LHB: variants seen among roughly 807,000 people sequenced by gnomAD.
LHB encodes the protein luteinizing hormone subunit beta.
LHB carries 11 observed loss-of-function variants against 10.6 expected under a neutral mutation model. The observed-to-expected ratio is 1.04, with a 90% CI of 0.66 to 1.72. The LOEUF is 1.72. LHB is among the 40% of genes most tolerant of loss of function. The pLI, the probability that LHB is intolerant of heterozygous loss-of-function variation, is 0.00. For synonymous variants in LHB, 86 were observed against 83.1 expected, an observed-to-expected ratio of 1.03 and a Z score of -0.19; for missense variants, 184 against 197.3, an observed-to-expected ratio of 0.93 and a Z score of 0.41.
upstream of LHB, chr19:49,018,945 G>C: frequency 2.6e-6 from 4 of 1,534,494 alleles, no homozygotes; most frequent in Non-Finnish European, 2.6e-6. Context: ...GCCCCGGTCG[G>C]ATACTGTGAA....
upstream of LHB, chr19:49,018,772 G>T: frequency 9.6e-7 from 1 of 1,040,704 alleles, no homozygotes; most frequent in South Asian, 1.4e-5. Flanking sequence ...TCGAGGCTGA[G>T]ACCACCGGCT....
Position 49,016,995 on chromosome 19 carries a change from G to T in LHB, c.15+72C>A, listed in dbSNP as rs144626738. The stretch of plus-strand genomic sequence containing the variant: ...AGAGGCCTCCTTCCACAGCTCACAC[G>T]GGTCTGCCCCTTCTCATGCCAGTGA... On this transcript the variant is annotated intron_variant, in intron 1 of 2. Coordinates refer to ENST00000649238, the MANE Select transcript of LHB (RefSeq NM_000894.3). The T allele has an allele frequency of 1.6e-3, 2,520 of 1,612,522 alleles. 16 individuals carry two copies. In the African/African-American group the frequency reaches 0.022, roughly 14 times the overall value.
At position 49,016,099 on chromosome 19, in the gene LHB, T is replaced by C. The variant is rs747619934; in HGVS notation, c.395A>G (p.His132Arg). The C allele has an allele frequency of 2.5e-6, 4 of 1,611,132 alleles. No homozygotes were observed. The Admixed American group carries it at 5.0e-5, about 20-fold the overall frequency. Residue 132 changes from histidine to arginine, a missense_variant, in exon 3 of 3, where the codon CAC becomes CGC. Coordinates refer to ENST00000649238, the MANE Select transcript of LHB (RefSeq NM_000894.3). ...GAAGAGGAGGCCTGAGAGTTGGGGG[T>C]GGTCACAGGTCAAGGGGTGGTCTTT... is the stretch of plus-strand genomic sequence containing the variant. The part of the protein sequence containing the change: ...GPKDHPLTCD[H>R]PQLSGLLFL
upstream of LHB, chr19:49,018,097 G>A (rs975577065): frequency 2.5e-6 from 1 of 399,174 alleles, no homozygotes; most frequent in Non-Finnish European, 4.4e-6. Context: ...GGCAGAAGCG[G>A]TCGAGCCGCC....
At position 49,016,547 on chromosome 19, in the gene LHB, C is replaced by A. The variant is rs759224828; in HGVS notation, c.183G>T (p.Met61Ile). 3.7e-6 allele frequency: 6 copies of A among 1,607,044 alleles called. No individual in the cohort carries two copies. Among genetic ancestry groups the A allele is most frequent in the Non-Finnish European group, 5.1e-6 (6 of 1,179,338 alleles). Residue 61 changes from methionine (M) to isoleucine (I), a missense_variant and splice_region_variant, in exon 2 of 3, where the codon ATG becomes ATT. Coordinates refer to ENST00000649238, the MANE Select transcript of LHB (RefSeq NM_000894.3). ...TTICAGYCPTMMRVLQAVLPP... is the reference protein window; with the variant it reads ...TTICAGYCPTIMRVLQAVLPP... ...CTGCCCCTGGCCCCAGGCAGCTCAC[C>A]ATGGTGGGGCAGTAGCCGGCACAGA...
chr19:49,018,764 G>T (rs2039595738), upstream of LHB: 1 of 957,344 alleles, frequency 1.0e-6, no homozygotes, highest in Non-Finnish European at 1.6e-6. Flanking sequence ...TACAGAAGTC[G>T]AGGCTGAGAC....
chr19:49,018,756 C>A, upstream of LHB: 1 of 883,712 alleles, frequency 1.1e-6, no homozygotes, highest in Non-Finnish European at 1.7e-6. Context: ...CTTGCTGCTA[C>A]AGAAGTCGAG....
Position 49,016,732 on chromosome 19 carries a change from C to T in LHB, c.16-18G>A, listed in dbSNP as rs2039560927. 3 of 1,609,844 alleles carry T rather than the reference C, an allele frequency of 1.9e-6. No homozygotes were observed. Among genetic ancestry groups the T allele is most frequent in the Non-Finnish European group, 2.5e-6 (3 of 1,179,712 alleles). On this transcript the variant is annotated intron_variant, in intron 1 of 2. Coordinates refer to ENST00000649238, the MANE Select transcript of LHB (RefSeq NM_000894.3). ...AGCAGCCCCTGGGACAAGGACACTG[C>T]TTCACCCAGGTCTGAGACCGCAGCC...
At chr19:49,017,345 C>T (rs956779310), upstream of LHB, among the ~76,000 whole-genome samples, 1 of 152,038 alleles carries the variant, frequency 6.6e-6, no homozygotes, top group Admixed American at 6.6e-5. Context: ...AGGGACTAGT[C>T]GAGCCTGGAG....
chr19:49,018,338 G>T (rs926927784), upstream of LHB: 26 of 1,218,208 alleles, frequency 2.1e-5, no homozygotes, highest in Admixed American at 1.3e-4. Flanking sequence ...GGACAGCTCC[G>T]TCCTGTGGGA....
At chr19:49,016,801 A>C in intron 1 of LHB, 87 bp from the exon 2 acceptor site, 1 of 1,598,320 alleles carries the variant, frequency 6.3e-7, no homozygotes, top group Non-Finnish European at 8.5e-7. Flanking sequence ...CCACCCACAA[A>C]GACCCAGAGA....
upstream of LHB, among the ~76,000 whole-genome samples, chr19:49,018,682 G>A (rs1431990783): frequency 6.6e-6 from 1 of 151,952 alleles, no homozygotes; most frequent in Non-Finnish European, 1.5e-5. Flanking sequence ...TTCCTGAGAG[G>A]TGACACTAAG....
At chr19:49,017,393 A>T (rs1237763225), upstream of LHB, 15 of 1,108,192 alleles carry the variant, frequency 1.4e-5, no homozygotes, top group South Asian at 3.5e-5. Flanking sequence ...TGCCTCTGCC[A>T]ATTGTGGGGT....
upstream of LHB, chr19:49,017,115 A>G (rs3752210): frequency 1.9e-6 from 3 of 1,613,710 alleles, no homozygotes; most frequent in East Asian, 4.5e-5. Flanking sequence ...GTATCTGGCT[A>G]TATACCTCGG....
In LHB at chr19:49,016,379, GA is replaced by G. The variant is rs1212750070; in HGVS notation, c.184-70del. On this transcript the variant is annotated intron_variant, in intron 2 of 2. Coordinates refer to ENST00000649238, the MANE Select transcript of LHB (RefSeq NM_000894.3). ...AGCGCCTCAGCTGAGCTCCCAAGCT[GA>G]CCCCACAGGTCCTGGACTCAGGAGC... is the stretch of plus-strand genomic sequence containing the variant. 6.9e-6 allele frequency: 11 copies of G among 1,602,708 alleles called. No homozygotes were observed. In the Middle Eastern group the frequency reaches 1.6e-3, roughly 230 times the overall value.
chr19:49,018,194 C>T, upstream of LHB: 1 of 453,964 alleles, frequency 2.2e-6, no homozygotes, highest in Non-Finnish European at 3.6e-6. Flanking sequence ...CGGGCTGACG[C>T]GCGGCACGCG....
upstream of LHB, chr19:49,018,428 A>C (rs569008445): frequency 9.6e-4 from 754 of 788,922 alleles, 1 homozygote; most frequent in Non-Finnish European, 1.2e-3. Context: ...CTGCACATTC[A>C]AACTCCTGCA....
At chr19:49,018,805 G>A (rs142428982), upstream of LHB, 8,198 of 1,351,326 alleles carry the variant, frequency 6.1e-3, 41 homozygotes, top group Non-Finnish European at 7.6e-3. Flanking sequence ...GCCAGCCCAG[G>A]GGCTCGGCGT....
At chr19:49,016,816 T>C in intron 1 of LHB, 102 bp from the exon 2 acceptor site, 2 of 1,591,222 alleles carry the variant, frequency 1.3e-6, no homozygotes, top group Non-Finnish European at 1.7e-6. Context: ...CAGAGACCCT[T>C]CCCGGCATCT....
Sources: allele counts gnomAD v4.1 joint callset (sites outside exome capture counted in the v4.1 genomes callset), GRCh38; gene constraint gnomAD v4.1.1; transcripts MANE v1.5; gene names NCBI Gene and HGNC (gene_info 2026-07-23, HGNC 2026-07-21).